XPR1: variants seen among roughly 807,000 people sequenced by gnomAD.
XPR1 encodes xenotropic and polytropic retrovirus receptor 1, also known as solute carrier family 53 member 1.
XPR1 carries 28 observed loss-of-function variants against 87.5 expected under a neutral mutation model. That is an observed-to-expected ratio of 0.32 (90% CI 0.24 to 0.44). XPR1 has a LOEUF of 0.44. Among genes scored for constraint, XPR1 ranks in the 20% least tolerant of loss-of-function variants. XPR1 has a pLI of 1.00. For missense variants in XPR1, 559 were observed against 862.3 expected (o/e 0.65, Z 4.41); for synonymous variants, 300 against 306.1 (o/e 0.98, Z 0.21).
intron 2 of XPR1, among the ~76,000 whole-genome samples, chr1:180,692,813 T>G (rs1557959934): frequency 6.6e-6 from 1 of 152,204 alleles, no homozygotes; most frequent in Non-Finnish European, 1.5e-5. Context: ...TAAAATTATG[T>G]TATGATAACA....
chr1:180,843,871 C>T (rs544339430), intron 11 of XPR1, among the ~76,000 whole-genome samples: 1 of 152,284 alleles, frequency 6.6e-6, no homozygotes, highest in South Asian at 2.1e-4. Context: ...TTTAAAAAGT[C>T]TCTACTATTT....
intron 14 of XPR1, among the ~76,000 whole-genome samples, chr1:180,881,349 G>C (rs1228825661): frequency 6.6e-6 from 1 of 152,130 alleles, no homozygotes; most frequent in Non-Finnish European, 1.5e-5. Flanking sequence ...GTTTTTGGTA[G>C]AGATGGGGTT....
chr1:180,739,982 G>A (rs1015949635), intron 2 of XPR1, among the ~76,000 whole-genome samples: 5 of 152,084 alleles, frequency 3.3e-5, no homozygotes, highest in African/African-American at 1.2e-4. Context: ...AAAGTGCTGG[G>A]ATTACAGGTG....
intron 6 of XPR1, among the ~76,000 whole-genome samples, chr1:180,809,265 G>T (rs1225291044): frequency 6.6e-6 from 1 of 152,160 alleles, no homozygotes; most frequent in African/African-American, 2.4e-5. Flanking sequence ...AGTGGGGTAG[G>T]GTAGGCTGGG....
rs1557943928 is a variant in XPR1 at position 180,659,601 on chromosome 1, C to CCCG, written c.70-22759_70-22758insCCG. 9.4e-5 allele frequency among the ~76,000 whole-genome samples: 12 copies of CCCG among 127,010 alleles called. 1 individual carries two copies. Among genetic ancestry groups the CCCG allele is most frequent in the African/African-American group, 3.5e-4 (11 of 31,626 alleles). The allele number at this position is 127,010 out of a possible 152,430, so 83.3% of individuals were successfully genotyped here. The stretch of plus-strand genomic sequence containing the variant: ...CCCCAGCCACCGCACCCCCACCCCC[C>CCCG]ACCCCCCGCCGGGTTCAAGCGATTC... On this transcript the variant is annotated intron_variant, in intron 1 of 14. Coordinates refer to ENST00000367590, the MANE Select transcript of XPR1 (RefSeq NM_004736.4).
intron 6 of XPR1, among the ~76,000 whole-genome samples, chr1:180,806,918 G>A (rs909908522): frequency 6.6e-6 from 1 of 152,016 alleles, no homozygotes; most frequent in Non-Finnish European, 1.5e-5. Context: ...CTACACAGTA[G>A]TTATAAAAAA....
At chr1:180,696,496 A>G (rs1286248903) in intron 2 of XPR1, among the ~76,000 whole-genome samples, 1 of 151,956 alleles carries the variant, frequency 6.6e-6, no homozygotes, top group African/African-American at 2.4e-5. Context: ...TAGGAATTTC[A>G]GTACTATGTT....
intron 7 of XPR1, among the ~76,000 whole-genome samples, chr1:180,815,978 G>A (rs1388027923): frequency 2.0e-5 from 3 of 152,104 alleles, no homozygotes; most frequent in Non-Finnish European, 4.4e-5. Flanking sequence ...TTGCCATTTT[G>A]TTTATAGTAG....
At chr1:180,740,134 T>C (rs1327427457) in intron 2 of XPR1, among the ~76,000 whole-genome samples, 2 of 152,218 alleles carry the variant, frequency 1.3e-5, no homozygotes, top group African/African-American at 2.4e-5. Context: ...CAGTTTTATG[T>C]CTTCCTTTTC....
chr1:180,812,603 C>A (rs1650258307), intron 7 of XPR1, among the ~76,000 whole-genome samples: 1 of 151,478 alleles, frequency 6.6e-6, no homozygotes, highest in Admixed American at 6.6e-5. Flanking sequence ...AATGTATTTA[C>A]TTCTCACCAC....
At chr1:180,883,034 C>T (rs1381768123) in intron 14 of XPR1, among the ~76,000 whole-genome samples, 1 of 150,712 alleles carries the variant, frequency 6.6e-6, no homozygotes, top group Non-Finnish European at 1.5e-5. Flanking sequence ...GTGATCATAC[C>T]TTACTGCAGC....
chr1:180,734,268 G>C (rs1272780615), intron 2 of XPR1, among the ~76,000 whole-genome samples: 1 of 152,192 alleles, frequency 6.6e-6, no homozygotes, highest in Non-Finnish European at 1.5e-5. Context: ...CAGGGAAGAA[G>C]GCTTTAATCA....
chr1:180,741,497 G>GT (rs1460255738), intron 2 of XPR1, among the ~76,000 whole-genome samples: 2 of 151,070 alleles, frequency 1.3e-5, no homozygotes, highest in African/African-American at 4.9e-5. Context: ...TTTTTTGTTT[G>GT]TTTTTTTAGA....
At chr1:180,743,870 G>A (rs1478515897) in intron 2 of XPR1, among the ~76,000 whole-genome samples, 1 of 152,130 alleles carries the variant, frequency 6.6e-6, no homozygotes, top group Non-Finnish European at 1.5e-5. Flanking sequence ...TAAGCAATGA[G>A]TTGTTTTTCT....
chr1:180,766,335 T>C (rs1196022976), intron 2 of XPR1, among the ~76,000 whole-genome samples: 1 of 152,158 alleles, frequency 6.6e-6, no homozygotes, highest in African/African-American at 2.4e-5. Flanking sequence ...TTTTGGTAAA[T>C]CACATTACTT....
intron 2 of XPR1, among the ~76,000 whole-genome samples, chr1:180,764,042 G>A (rs893434491): frequency 6.6e-6 from 1 of 152,106 alleles, no homozygotes; most frequent in East Asian, 1.9e-4. Flanking sequence ...AATTTTTCCT[G>A]ATAAGTACTT....
intron 2 of XPR1, among the ~76,000 whole-genome samples, chr1:180,725,355 A>G (rs1442675950): frequency 6.6e-6 from 1 of 152,180 alleles, no homozygotes; most frequent in Non-Finnish European, 1.5e-5. Context: ...GAGAGAGTAT[A>G]GGGACAGGGA....
intron 2 of XPR1, among the ~76,000 whole-genome samples, chr1:180,778,616 G>A (rs1419367470): frequency 6.6e-6 from 1 of 151,906 alleles, no homozygotes; most frequent in African/African-American, 2.4e-5. Context: ...TAACATACTC[G>A]TGGTTGTCCA....
At chr1:180,720,088 C>T (rs1223811746) in intron 2 of XPR1, among the ~76,000 whole-genome samples, 2 of 151,080 alleles carry the variant, frequency 1.3e-5, no homozygotes, top group African/African-American at 2.4e-5. Context: ...GTGGTTCTGA[C>T]AGAAAGAAGA....
Sources: allele counts gnomAD v4.1 joint callset (sites outside exome capture counted in the v4.1 genomes callset), GRCh38; gene constraint gnomAD v4.1.1; transcripts MANE v1.5; gene names NCBI Gene and HGNC (gene_info 2026-07-23, HGNC 2026-07-21).